Variants in PHACTR3 observed in about 807,000 individuals in gnomAD.
The protein encoded by PHACTR3 is phosphatase and actin regulator 3.
A neutral mutation model predicts 66.8 loss-of-function variants in PHACTR3; 16 were observed. The ratio of observed to expected loss-of-function variants is 0.24; its 90% CI spans 0.16 to 0.36. The LOEUF is 0.36. Among genes scored for constraint, PHACTR3 ranks in the 10% least tolerant of loss-of-function variants. The pLI is 1.00. For missense variants in PHACTR3, 647 were observed against 719.9 expected, an observed-to-expected ratio of 0.90 and a Z score of 1.16; for synonymous variants, 323 against 292.1, an observed-to-expected ratio of 1.11 and a Z score of -1.08.
upstream of PHACTR3, among the ~76,000 whole-genome samples, chr20:59,599,706 A>T (rs2033420279): frequency 6.6e-6 from 1 of 152,094 alleles, no homozygotes; most frequent in African/African-American, 2.4e-5. Flanking sequence ...AAAACAAAAC[A>T]AAACAAACCC....
At chr20:59,718,577 C>A (rs1601177984) in intron 1 of PHACTR3, among the ~76,000 whole-genome samples, 1 of 148,312 alleles carries the variant, frequency 6.7e-6, no homozygotes, top group East Asian at 1.9e-4. Flanking sequence ...AAAAAAAAAA[C>A]CTCCAAAATA....
At chr20:59,757,359 G>T (rs1396379028) in intron 4 of PHACTR3, among the ~76,000 whole-genome samples, 1 of 152,266 alleles carries the variant, frequency 6.6e-6, no homozygotes, top group African/African-American at 2.4e-5. Context: ...CCTGAGAGCA[G>T]AGTGGGTCTG....
At chr20:59,721,302 C>T (rs1476870730) in intron 1 of PHACTR3, 1 of 152,274 alleles carries the variant, frequency 6.6e-6, no homozygotes, top group Non-Finnish European at 1.5e-5. Flanking sequence ...CCATTCTTCT[C>T]TCCAGAGGTC....
At chr20:59,616,058 G>T (rs2034014059) in intron 1 of PHACTR3, among the ~76,000 whole-genome samples, 1 of 152,136 alleles carries the variant, frequency 6.6e-6, no homozygotes, top group Admixed American at 6.5e-5. Flanking sequence ...GTGGTCTCTG[G>T]TGTCAGACTG....
chr20:59,742,713 T>G (rs2039212371), intron 1 of PHACTR3, among the ~76,000 whole-genome samples: 1 of 152,136 alleles, frequency 6.6e-6, no homozygotes, highest in South Asian at 2.1e-4. Flanking sequence ...CAAAGTCCTA[T>G]TCAATGGAGG....
chr20:59,808,407 C>T (rs987839564), intron 8 of PHACTR3, among the ~76,000 whole-genome samples: 1 of 152,224 alleles, frequency 6.6e-6, no homozygotes, highest in African/African-American at 2.4e-5. Flanking sequence ...AGAGGAAATT[C>T]TGATAAAGCT....
intron 1 of PHACTR3, among the ~76,000 whole-genome samples, chr20:59,666,692 G>A (rs2036002795): frequency 6.6e-6 from 1 of 152,162 alleles, no homozygotes; most frequent in East Asian, 1.9e-4. Flanking sequence ...GAGATAGAAA[G>A]AGAGTGACAT....
chr20:59,640,393 T>C (rs1476997399), intron 1 of PHACTR3, among the ~76,000 whole-genome samples: 1 of 152,100 alleles, frequency 6.6e-6, no homozygotes, highest in Non-Finnish European at 1.5e-5. Context: ...GGATGTGAGC[T>C]GGATAGAGCA....
At chr20:59,690,804 T>G (rs1016007503) in intron 1 of PHACTR3, among the ~76,000 whole-genome samples, 3 of 152,100 alleles carry the variant, frequency 2.0e-5, no homozygotes, top group Non-Finnish European at 4.4e-5. Flanking sequence ...ATGCTACTAA[T>G]AATGAACATT....
intron 1 of PHACTR3, among the ~76,000 whole-genome samples, chr20:59,607,616 T>G (rs960359919): frequency 1.3e-4 from 20 of 152,226 alleles, no homozygotes; most frequent in Admixed American, 9.2e-4. Flanking sequence ...CTTTCTCCCA[T>G]TTTCCAGAGG....
chr20:59,763,768 C>T (rs546442530), intron 4 of PHACTR3, among the ~76,000 whole-genome samples: 1 of 152,246 alleles, frequency 6.6e-6, no homozygotes, highest in South Asian at 2.1e-4. Flanking sequence ...GGAGGTGGGA[C>T]CTGCCAGAGA....
chr20:59,759,520 C>T (rs2146838236), intron 4 of PHACTR3, among the ~76,000 whole-genome samples: 1 of 152,316 alleles, frequency 6.6e-6, no homozygotes, highest in Non-Finnish European at 1.5e-5. Flanking sequence ...GCAACCCTTT[C>T]CATGAAGGTT....
chr20:59,772,619 C>A (rs1196517585), intron 5 of PHACTR3, among the ~76,000 whole-genome samples: 1 of 152,148 alleles, frequency 6.6e-6, no homozygotes, highest in Admixed American at 6.5e-5. Flanking sequence ...CGGGAGAGAT[C>A]TTCACATGCT....
chr20:59,763,831 G>C (rs981281711), intron 4 of PHACTR3, among the ~76,000 whole-genome samples: 1 of 152,130 alleles, frequency 6.6e-6, no homozygotes, highest in Non-Finnish European at 1.5e-5. Flanking sequence ...AGTATGTGTC[G>C]GGAAGCCAGA....
intron 1 of PHACTR3, among the ~76,000 whole-genome samples, chr20:59,700,781 T>C (rs6128666): frequency 0.24 from 35,647 of 150,520 alleles, 4,548 homozygotes; most frequent in East Asian, 0.52. Flanking sequence ...GCTTACTTTT[T>C]TTGTTTTGTT....
At chr20:59,665,638 T>C (rs1402047828) in intron 1 of PHACTR3, among the ~76,000 whole-genome samples, 1 of 151,984 alleles carries the variant, frequency 6.6e-6, no homozygotes, top group African/African-American at 2.4e-5. Context: ...TGGTTGGAAA[T>C]ACTGCCCATG....
In PHACTR3 at chr20:59,753,021, G is replaced by A. The variant is rs563096434; in HGVS notation, c.359-2161G>A. ...TTGTGACCTCTAATTTTGTCTACTC[G>A]GTGAGCTCTCTTGGCTTGTATCTGG... On this transcript the variant is annotated intron_variant, in intron 3 of 12. Transcript: ENST00000371015. Among the ~76,000 whole-genome samples the A allele has an allele frequency of 5.5e-4, 84 of 152,268 alleles. 1 individual carries two copies. The highest frequency in any genetic ancestry group is 5.3e-3 in the Admixed American group (81 of 15,282).
At chr20:59,683,294 G>A (rs557536801) in intron 1 of PHACTR3, among the ~76,000 whole-genome samples, 10 of 152,302 alleles carry the variant, frequency 6.6e-5, no homozygotes, top group Non-Finnish European at 1.0e-4. Flanking sequence ...TTTGACATCC[G>A]TGCAAAGATG....
At chr20:59,585,382 T>C (rs2032994229) in intron 1 of PHACTR3, among the ~76,000 whole-genome samples, 1 of 152,220 alleles carries the variant, frequency 6.6e-6, no homozygotes, top group African/African-American at 2.4e-5. Context: ...GCCTGGTTTC[T>C]GGCAGATTTC....
Sources: allele counts gnomAD v4.1 joint callset (sites outside exome capture counted in the v4.1 genomes callset), GRCh38; gene constraint gnomAD v4.1.1; transcripts MANE v1.5; gene names NCBI Gene and HGNC (gene_info 2026-07-23, HGNC 2026-07-21).